Variants in SND1 observed in about 807,000 individuals in gnomAD.
The protein encoded by SND1 is staphylococcal nuclease domain-containing protein 1.
A neutral mutation model predicts 121.7 loss-of-function variants in SND1; 38 were observed. The ratio of observed to expected loss-of-function variants is 0.31; its 90% CI spans 0.24 to 0.41. The LOEUF is 0.41. Ranked by LOEUF, SND1 falls within the 10% of genes least tolerant of loss-of-function variation. The pLI, the probability that SND1 is intolerant of heterozygous loss-of-function variation, is 1.00. For missense variants in SND1, 868 were observed against 1,184.6 expected (o/e 0.73, Z 3.92); for synonymous variants, 401 against 447.4 (o/e 0.90, Z 1.31).
At chr7:127,686,530 G>T in intron 1 of SND1, 83 bp from the exon 2 acceptor site, 1 of 1,418,464 alleles carries the variant, frequency 7.0e-7, no homozygotes. Context: ...TATTTGAAAT[G>T]TTGGGGATAC....
Position 127,779,122 on chromosome 7 carries a change from G to T in SND1, c.1153-28362G>T, listed in dbSNP as rs141338885. ...TTTCTATGCAAAAACCCTTAGTTCC[G>T]CATTGCACTATGGGGGGGATTGTTG... On this transcript the variant is annotated intron_variant, in intron 10 of 23. Transcript: ENST00000354725. Among the ~76,000 whole-genome samples, 142 of 152,202 alleles carry T rather than the reference G, an allele frequency of 9.3e-4. No individual in the cohort carries two copies. In the East Asian group the frequency reaches 0.014, roughly 15 times the overall value.
At chr7:128,017,211 A>T (rs963072632) in intron 16 of SND1, among the ~76,000 whole-genome samples, 2 of 152,168 alleles carry the variant, frequency 1.3e-5, no homozygotes, top group Admixed American at 6.5e-5. Flanking sequence ...ACAGCACGCC[A>T]GAGCCTTGGA....
At chr7:127,858,677 G>T (rs1321873067) in intron 12 of SND1, among the ~76,000 whole-genome samples, 1 of 152,166 alleles carries the variant, frequency 6.6e-6, no homozygotes, top group African/African-American at 2.4e-5. Flanking sequence ...AACCATAATG[G>T]ACAGGTAGTG....
intron 16 of SND1, among the ~76,000 whole-genome samples, chr7:127,991,832 G>T (rs1047764407): frequency 1.3e-5 from 2 of 152,132 alleles, no homozygotes; most frequent in African/African-American, 4.8e-5. Context: ...GAGCAGATGC[G>T]TGGACTTCTT....
intron 10 of SND1, among the ~76,000 whole-genome samples, chr7:127,793,557 T>TTTCA (rs1797954438): frequency 6.6e-6 from 1 of 152,024 alleles, no homozygotes; most frequent in East Asian, 1.9e-4. Context: ...AAGGTAAGGG[T>TTTCA]TTCATTGTCA....
intron 10 of SND1, among the ~76,000 whole-genome samples, chr7:127,805,720 A>G (rs1056910826): frequency 1.3e-5 from 2 of 152,218 alleles, no homozygotes; most frequent in Non-Finnish European, 2.9e-5. Flanking sequence ...AGTAGCGGCT[A>G]TTTAGGAAAA....
chr7:127,777,213 C>T (rs1797636681), intron 10 of SND1, among the ~76,000 whole-genome samples: 1 of 152,206 alleles, frequency 6.6e-6, no homozygotes, highest in Admixed American at 6.5e-5. Context: ...CTCCCCGTAA[C>T]AAGTGGAAAG....
At chr7:128,090,452 G>A (rs948366405) in intron 22 of SND1, among the ~76,000 whole-genome samples, 3 of 152,114 alleles carry the variant, frequency 2.0e-5, no homozygotes, top group African/African-American at 7.2e-5. Context: ...CCAGCCCTGC[G>A]TCCCAGCTGG....
intron 16 of SND1, among the ~76,000 whole-genome samples, chr7:128,053,200 G>A (rs1353506963): frequency 6.6e-6 from 1 of 152,192 alleles, no homozygotes; most frequent in Non-Finnish European, 1.5e-5. Context: ...TAGGACTGCA[G>A]GAAGCTCTGT....
At position 128,092,335 on chromosome 7, in the gene SND1, A is replaced by C. The variant is rs1793798224; in HGVS notation, c.*277A>C. The C allele has an allele frequency of 2.2e-6, 1 of 460,840 alleles. No homozygotes were observed. Among genetic ancestry groups the C allele is most frequent in the Non-Finnish European group, 3.9e-6 (1 of 259,320 alleles). The allele number at this position is 460,840 out of a possible 1,614,324, so 28.5% of individuals were successfully genotyped here. A position where few individuals can be genotyped will look rare whatever the true frequency, so the allele number is the denominator to read the frequency against. On this transcript the variant is annotated 3_prime_UTR_variant, in exon 24 of 24. Transcript: ENST00000354725. This position sits in a 1 kb window ranked among gnomAD's most constrained non-coding sequence, Gnocchi z 4.9. ...AGGTTTGTGGGCTTTTTTTAAAAAA[A>C]AAAAGTCCTCAAATCAGGAAGAAAC... is the stretch of plus-strand genomic sequence containing the variant.
In SND1 at chr7:127,836,432, G is replaced by A. The variant is rs144463094; in HGVS notation, c.1243-7892G>A. ...ACCTAATTACAATGATTTGGAAGGGGGTGTTAGAGAATACATCTGGGCTGG... is the reference window on the plus strand; with the variant it reads ...ACCTAATTACAATGATTTGGAAGGGAGTGTTAGAGAATACATCTGGGCTGG... On this transcript the variant is annotated intron_variant, in intron 11 of 23. Transcript: ENST00000354725. Among the ~76,000 whole-genome samples, 310 of 152,188 alleles carry A rather than the reference G, an allele frequency of 2.0e-3. 1 individual carries two copies. Among genetic ancestry groups the A allele is most frequent in the Admixed American group, 5.4e-3 (82 of 15,288 alleles).
intron 16 of SND1, among the ~76,000 whole-genome samples, chr7:128,062,168 A>G (rs962238968): frequency 6.6e-6 from 1 of 152,200 alleles, no homozygotes; most frequent in South Asian, 2.1e-4. Flanking sequence ...CCTCCCTGCA[A>G]TGGTGCTTTT....
At chr7:128,068,038 C>T (rs1793347150) in intron 16 of SND1, among the ~76,000 whole-genome samples, 1 of 152,140 alleles carries the variant, frequency 6.6e-6, no homozygotes, top group South Asian at 2.1e-4. Context: ...TTCACCATGA[C>T]CTGGAGGAGG....
At chr7:128,017,944 C>G (rs1461715358) in intron 16 of SND1, among the ~76,000 whole-genome samples, 2 of 152,238 alleles carry the variant, frequency 1.3e-5, no homozygotes, top group Non-Finnish European at 2.9e-5. Flanking sequence ...TTCTGCTTTA[C>G]TCTGGCACCT....
At position 127,772,324 on chromosome 7, in the gene SND1, C is replaced by T. The variant is rs550148478; in HGVS notation, c.1153-35160C>T. 5.9e-5 allele frequency among the ~76,000 whole-genome samples: 9 copies of T among 152,260 alleles called. No individual in the cohort carries two copies. In the South Asian group the frequency reaches 1.2e-3, roughly 21 times the overall value. On this transcript the variant is annotated intron_variant, in intron 10 of 23. Transcript: ENST00000354725. ...GTGAACAAGGGCTTAGTATTTCCTC[C>T]GTAATTCGGTAAGAATATTTGCCCG...
At chr7:127,828,632 G>T (rs1237029941) in intron 11 of SND1, among the ~76,000 whole-genome samples, 3 of 152,088 alleles carry the variant, frequency 2.0e-5, no homozygotes, top group Non-Finnish European at 4.4e-5. Context: ...CTTCTTTCTT[G>T]TAGAGTTGTC....
intron 10 of SND1, among the ~76,000 whole-genome samples, chr7:127,803,909 C>T (rs1798182368): frequency 6.6e-6 from 1 of 152,160 alleles, no homozygotes; most frequent in South Asian, 2.1e-4. Flanking sequence ...ATTGCAGGGC[C>T]TACATGCAAT....
At chr7:127,869,137 T>C (rs560942377) in intron 12 of SND1, among the ~76,000 whole-genome samples, 1 of 151,668 alleles carries the variant, frequency 6.6e-6, no homozygotes, top group East Asian at 1.9e-4. Context: ...CAGGGAAGAG[T>C]CAGGGAGGCC....
chr7:127,948,221 C>T lies in SND1; in HGVS notation c.1669+18892C>T, dbSNP rs560384528. On this transcript the variant is annotated intron_variant, in intron 15 of 23. Coordinates refer to ENST00000354725, the MANE Select transcript of SND1 (RefSeq NM_014390.4). ...CTCACACAGGTATCTGCCCCCACTTCTCTGATTCTCATTGTCTGCCTTTAT... is the reference window on the plus strand; with the variant it reads ...CTCACACAGGTATCTGCCCCCACTTTTCTGATTCTCATTGTCTGCCTTTAT... Among the ~76,000 whole-genome samples the T allele has an allele frequency of 3.3e-5, 5 of 152,304 alleles. No individual in the cohort carries two copies. In the South Asian group the frequency reaches 1.0e-3, roughly 32 times the overall value.
Sources: gnomAD v4.1 joint callset for allele counts (sites outside exome capture counted in the v4.1 genomes callset) on GRCh38, gnomAD v4.1.1 for gene constraint, Gnocchi (gnomAD v3.1) non-coding constraint, MANE v1.5 for transcripts, NCBI Gene and HGNC (gene_info 2026-07-23, HGNC 2026-07-21) for gene names.